KCMF1: variants seen among roughly 807,000 people sequenced by gnomAD.
KCMF1 encodes E3 ubiquitin-protein ligase KCMF1.
A neutral mutation model predicts 41.1 loss-of-function variants in KCMF1; 3 were observed. The ratio of observed to expected loss-of-function variants is 0.07; its 90% CI spans 0.03 to 0.19. The LOEUF (loss-of-function observed/expected upper bound fraction) is 0.19, where lower values mean the gene tolerates loss of function less well. KCMF1 is among the 10% of genes least tolerant of loss of function. The pLI, the probability that KCMF1 is intolerant of heterozygous loss-of-function variation, is 1.00. For missense variants in KCMF1, 286 were observed against 488.9 expected, an observed-to-expected ratio of 0.58 and a Z score of 3.91; for synonymous variants, 142 against 164.5, an observed-to-expected ratio of 0.86 and a Z score of 1.04.
chr2:85,058,804 A>G lies in KCMF1; in HGVS notation c.*5395A>G, dbSNP rs1676001769. On this transcript the variant is annotated 3_prime_UTR_variant, in exon 7 of 7. Coordinates refer to ENST00000409785, the MANE Select transcript of KCMF1 (RefSeq NM_020122.5). ...GCTGGTGAGTGAGCTGCTCCCTTAA[A>G]TCTACCAAATTAGACTGACAGCATT... The G allele has an allele frequency of 6.6e-6, 1 of 152,160 alleles. No individual in the cohort carries two copies. The highest frequency in any genetic ancestry group is 2.4e-5 in the African/African-American group (1 of 41,434). The allele number at this position is 152,160 out of a possible 1,614,324, so 9.4% of individuals were successfully genotyped here. A position where few individuals can be genotyped will look rare whatever the true frequency, so the allele number is the denominator to read the frequency against.
chr2:85,005,380 T>C (rs561938748), intron 1 of KCMF1, among the ~76,000 whole-genome samples: 3 of 152,008 alleles, frequency 2.0e-5, no homozygotes, highest in African/African-American at 7.2e-5. Flanking sequence ...GCTCCGCCTA[T>C]TGGGGTCATG....
intron 1 of KCMF1, among the ~76,000 whole-genome samples, chr2:84,976,601 A>G (rs1673551113): frequency 6.6e-6 from 1 of 151,506 alleles, no homozygotes; most frequent in Admixed American, 6.6e-5. Flanking sequence ...TCCCAGCTAG[A>G]TGGGAGGCTG....
chr2:84,971,658 C>T (rs1376409656), intron 1 of KCMF1, among the ~76,000 whole-genome samples, 191 bp downstream of exon 1: 1 of 150,886 alleles, frequency 6.6e-6, no homozygotes, highest in South Asian at 2.1e-4. Context: ...CGGCCGCGGC[C>T]CTTAGCTGGG....
chr2:85,040,448 T>C (rs1428380897), intron 3 of KCMF1, among the ~76,000 whole-genome samples: 1 of 152,136 alleles, frequency 6.6e-6, no homozygotes, highest in African/African-American at 2.4e-5. Flanking sequence ...GCTTGCTTTG[T>C]CTCTCCTCCC....
chr2:85,043,547 C>G lies in KCMF1; in HGVS notation c.325-17C>G. 6.8e-7 allele frequency: 1 copy of G among 1,470,260 alleles called. No homozygotes were observed. Among genetic ancestry groups the G allele is most frequent in the Non-Finnish European group, 9.5e-7 (1 of 1,052,760 alleles). 91.1% of individuals were successfully genotyped at this position (1,470,260 alleles called of 1,614,324 possible). ...TGACGTTCATTTATTAAGCTGCTTTCTTTACTTCCATTTCAGATTTGTCCA... is the reference window on the plus strand; with the variant it reads ...TGACGTTCATTTATTAAGCTGCTTTGTTTACTTCCATTTCAGATTTGTCCA... On this transcript the variant is annotated splice_polypyrimidine_tract_variant and intron_variant, in intron 3 of 6. Transcript: ENST00000409785.
At position 85,045,988 on chromosome 2, in the gene KCMF1, G is replaced by T. The variant is rs910552004; in HGVS notation, c.427-116G>T. ...GGGACATTTGCACTTTAAGTTAAAT[G>T]TGCTGTTTTTAAATGCTTACAATTC... On this transcript the variant is annotated intron_variant, in intron 4 of 6. Transcript: ENST00000409785. 3.7e-6 allele frequency: 3 copies of T among 819,210 alleles called. No homozygotes were observed. The South Asian group carries it at 5.7e-5, about 15-fold the overall frequency. 50.7% of individuals were successfully genotyped at this position (819,210 alleles called of 1,614,324 possible).
intron 6 of KCMF1, among the ~76,000 whole-genome samples, chr2:85,050,781 A>G (rs1248106933): frequency 2.0e-5 from 3 of 152,216 alleles, no homozygotes; most frequent in Non-Finnish European, 4.4e-5. Context: ...AAAATATTAT[A>G]ATTTCTACTT....
rs182709406 is a variant in KCMF1 at position 85,031,127 on chromosome 2, G to A, written c.184+3071G>A. 4.6e-5 allele frequency among the ~76,000 whole-genome samples: 7 copies of A among 152,204 alleles called. No individual in the cohort carries two copies. The East Asian group carries it at 9.6e-4, about 21-fold the overall frequency. On this transcript the variant is annotated intron_variant, in intron 2 of 6. Coordinates refer to ENST00000409785, the MANE Select transcript of KCMF1 (RefSeq NM_020122.5). Reference sequence around the variant, plus strand: ...ATATTATTTTGGGTATTCTGTGTCCGTTTCATTTCTGTATTTTAGATTCAG... The same window carrying A: ...ATATTATTTTGGGTATTCTGTGTCCATTTCATTTCTGTATTTTAGATTCAG...
chr2:84,976,099 A>G (rs999160319), intron 1 of KCMF1, among the ~76,000 whole-genome samples: 32 of 152,204 alleles, frequency 2.1e-4, no homozygotes, highest in African/African-American at 7.5e-4. Flanking sequence ...GGAAGGGATA[A>G]ACACTGATGA....
chr2:85,023,352 T>TG (rs1674998947), intron 1 of KCMF1, among the ~76,000 whole-genome samples: 1 of 128,842 alleles, frequency 7.8e-6, no homozygotes, highest in African/African-American at 3.0e-5. Flanking sequence ...AGTCTCGCAC[T>TG]TTCTCGCCCA....
chr2:85,004,260 C>G lies in KCMF1; in HGVS notation c.17-23629C>G, dbSNP rs558384370. Among the ~76,000 whole-genome samples, 4 of 152,146 alleles carry G rather than the reference C, an allele frequency of 2.6e-5. No homozygotes were observed. The South Asian group carries it at 8.3e-4, about 32-fold the overall frequency. ...GGCGTGGTGGCTCACACCTGTAATC[C>G]CAGCACTTTGGGAGGCCAAGGCGGG... On this transcript the variant is annotated intron_variant, in intron 1 of 6. Transcript: ENST00000409785.
At chr2:84,997,623 G>A (rs898417196) in intron 1 of KCMF1, among the ~76,000 whole-genome samples, 3 of 152,106 alleles carry the variant, frequency 2.0e-5, no homozygotes, top group African/African-American at 7.2e-5. Flanking sequence ...GGAGCATGAG[G>A]TACCTTGTAA....
At chr2:85,038,615 CTTTT>C (rs1054913999) in intron 3 of KCMF1, among the ~76,000 whole-genome samples, 2 of 151,848 alleles carry the variant, frequency 1.3e-5, no homozygotes, top group Admixed American at 6.6e-5. Flanking sequence ...TCTTCTTCTT[CTTTT>C]TTTTCTTTTT....
chr2:85,034,909 A>T, intron 2 of KCMF1, 107 bp from the exon 3 acceptor site: 2 of 948,816 alleles, frequency 2.1e-6, no homozygotes, highest in Non-Finnish European at 3.1e-6. Flanking sequence ...GGCATGAACC[A>T]CTGCTCCTGG....
chr2:85,024,049 A>G (rs1184513589), intron 1 of KCMF1, among the ~76,000 whole-genome samples: 4 of 152,144 alleles, frequency 2.6e-5, no homozygotes, highest in African/African-American at 4.8e-5. Context: ...TTTTCTACTA[A>G]GCATTCATCA....
chr2:85,030,266 A>C (rs1675235072), intron 2 of KCMF1, among the ~76,000 whole-genome samples: 1 of 148,146 alleles, frequency 6.8e-6, no homozygotes, highest in Non-Finnish European at 1.5e-5. Context: ...GATTTGCAAA[A>C]ATTTTCTCCC....
At chr2:84,987,730 G>A (rs1673940335) in intron 1 of KCMF1, among the ~76,000 whole-genome samples, 1 of 152,212 alleles carries the variant, frequency 6.6e-6, no homozygotes, top group South Asian at 2.1e-4. Context: ...CCTGGGGATA[G>A]GCTAGATTTC....
chr2:85,032,346 A>T (rs1675297646), intron 2 of KCMF1, among the ~76,000 whole-genome samples: 1 of 148,520 alleles, frequency 6.7e-6, no homozygotes, highest in Admixed American at 6.7e-5. Context: ...TAATTTTTTT[A>T]TTTTTATTTT....
chr2:84,993,034 A>C (rs957386429), intron 1 of KCMF1, among the ~76,000 whole-genome samples: 1 of 152,000 alleles, frequency 6.6e-6, no homozygotes, highest in African/African-American at 2.4e-5. Context: ...CTCTGCAAAA[A>C]TATTAAGCCG....
Sources: gnomAD v4.1 joint callset for allele counts (sites outside exome capture counted in the v4.1 genomes callset) on GRCh38, gnomAD v4.1.1 for gene constraint, MANE v1.5 for transcripts, NCBI Gene and HGNC (gene_info 2026-07-23, HGNC 2026-07-21) for gene names.